The following DNAH2 variants were observed in gnomAD, a reference collection of about 807,000 sequenced individuals.
DNAH2 encodes the protein dynein axonemal heavy chain 2.
A neutral mutation model predicts 523.5 loss-of-function variants in DNAH2; 323 were observed. The observed-to-expected ratio is 0.62, with a 90% CI of 0.56 to 0.68. DNAH2 has a LOEUF of 0.68. Ranked by LOEUF, DNAH2 falls within the 30% of genes least tolerant of loss-of-function variation. The probability of loss-of-function intolerance (pLI) is 0.00; values close to 1 mark genes in which losing one functional copy is unlikely to be tolerated. For synonymous variants in DNAH2, 2,093 were observed against 2,177.4 expected (o/e 0.96, Z 1.08); for missense variants, 4,907 against 5,701.5 (o/e 0.86, Z 4.49).
At chr17:7,774,699 T>C in intron 28 of DNAH2, 60 bp from the exon 29 acceptor site, 1 of 1,491,602 alleles carries the variant, frequency 6.7e-7, no homozygotes, top group Non-Finnish European at 9.2e-7. Flanking sequence ...AGTTGGGGCA[T>C]CCAGATCCGC....
rs1183919767 is a variant in DNAH2, at chr17:7,787,900, C to G, written c.6644C>G (p.Ser2215Cys). 69 of 1,614,160 alleles carry G rather than the reference C, an allele frequency of 4.3e-5. No homozygotes were observed. The highest frequency in any genetic ancestry group is 5.8e-5 in the Non-Finnish European group (68 of 1,180,010). The change falls in exon 43 of 86, where the codon TCT becomes TGT. Residue 2215 changes from serine to cysteine, a missense_variant. This residue lies in a region of DNAH2 where 2,806 missense variants were observed against 3,190.8 expected (regional missense o/e 0.88). Coordinates refer to ENST00000572933, the MANE Select transcript of DNAH2 (RefSeq NM_020877.5). ...GAAGTGGAGGACCTGGCAATGGCCTCTCCGGCCACTGTATCCCGCTGCGGG... is the reference window on the plus strand; with the variant it reads ...GAAGTGGAGGACCTGGCAATGGCCTGTCCGGCCACTGTATCCCGCTGCGGG... Reference protein sequence around the residue: ...LFEVEDLAMASPATVSRCGMV... With the variant: ...LFEVEDLAMACPATVSRCGMV...
intron 39 of DNAH2, 125 bp from the exon 40 acceptor site, chr17:7,785,999 T>G: frequency 1.1e-6 from 1 of 944,602 alleles, no homozygotes; most frequent in Non-Finnish European, 1.6e-6. Context: ...AGAGCCGGAG[T>G]GCAGAGGGCC....
chr17:7,768,208 G>A lies in DNAH2; in HGVS notation c.3882G>A (p.Glu1294=), dbSNP rs763804007. 6.2e-7 allele frequency: 1 copy of A among 1,614,154 alleles called. No homozygotes were observed. Among genetic ancestry groups the A allele is most frequent in the Admixed American group, 1.7e-5 (1 of 60,020 alleles). Residue 1294 remains glutamate, a synonymous_variant, in exon 24 of 86, where the codon GAG becomes GAA. Coordinates refer to ENST00000572933, the MANE Select transcript of DNAH2 (RefSeq NM_020877.5). ...EIIETTRSKI[E]QFKRTMPLIS... The stretch of plus-strand genomic sequence containing the variant: ...TTGAAACCACTCGCTCAAAAATAGA[G>A]CAGTTCAAGAGGACCATGCCTCTCA...
At position 7,817,316 on chromosome 17, in the gene DNAH2, G is replaced by A. The variant is rs1384542523; in HGVS notation, c.9921G>A (p.Leu3307=). The A allele has an allele frequency of 6.2e-7, 1 of 1,606,340 alleles. No homozygotes were observed. The highest frequency in any genetic ancestry group is 2.2e-5 in the East Asian group (1 of 44,832). Residue 3307 remains leucine, a synonymous_variant, in exon 65 of 86, where the codon CTG becomes CTA. Coordinates refer to ENST00000572933, the MANE Select transcript of DNAH2 (RefSeq NM_020877.5). ...VQGLEEDLGY[L]VGDCLLAAAF... ...GCCTGGAGGAGGACCTGGGCTACCT[G>A]GTGGGGGACTGTCTCCTGGCAGCTG... is the stretch of plus-strand genomic sequence containing the variant.
chr17:7,814,549 C>G (rs887351311), intron 63 of DNAH2, among the ~76,000 whole-genome samples: 1 of 152,066 alleles, frequency 6.6e-6, no homozygotes, highest in South Asian at 2.1e-4. Flanking sequence ...AAGTAACAAC[C>G]AGCATAAATA....
intron 11 of DNAH2, among the ~76,000 whole-genome samples, chr17:7,741,300 T>TTCTTTCTTTCTTTCTTTCTTC (rs1567625056): frequency 4.5e-5 from 2 of 44,900 alleles, no homozygotes; most frequent in Non-Finnish European, 3.7e-5. Flanking sequence ...CTTTCTTCCT[T>TTCTTTCTTTCTTTCTTTCTTC]CCTTCCCTCC....
intron 12 of DNAH2, among the ~76,000 whole-genome samples, chr17:7,749,720 G>C (rs1287432184): frequency 6.6e-6 from 1 of 152,148 alleles, no homozygotes; most frequent in Non-Finnish European, 1.5e-5. Flanking sequence ...TATTAGGCCA[G>C]GTGTGGTGGC....
At chr17:7,759,296 C>A in intron 15 of DNAH2, 126 bp from the exon 16 acceptor site, 1 of 1,437,354 alleles carries the variant, frequency 7.0e-7, no homozygotes, top group Non-Finnish European at 9.3e-7. Flanking sequence ...CCTCTTCCTC[C>A]AGGACTCAGC....
chr17:7,809,392 C>T (rs1162107367), intron 63 of DNAH2, among the ~76,000 whole-genome samples: 1 of 152,122 alleles, frequency 6.6e-6, no homozygotes, highest in African/African-American at 2.4e-5. Flanking sequence ...CCCACGAGGC[C>T]TCTTCTGTGC....
At chr17:7,766,507 G>A (rs1157724243) in intron 22 of DNAH2, 26 bp downstream of exon 22, 1 of 1,609,786 alleles carries the variant, frequency 6.2e-7, no homozygotes, top group Non-Finnish European at 8.5e-7. Context: ...AGGACCCTGT[G>A]GTCACTGTCG....
chr17:7,807,355 G>A lies in DNAH2; in HGVS notation c.9612+36G>A. 5 of 1,604,568 alleles carry A rather than the reference G, an allele frequency of 3.1e-6. No homozygotes were observed. Among genetic ancestry groups the A allele is most frequent in the Non-Finnish European group, 4.3e-6 (5 of 1,175,788 alleles). ...CAGGGCTGGGGCGGGGCGGTAGGGA[G>A]GGCAGGCCTGGGGGAGTGCGGATGC... is the stretch of plus-strand genomic sequence containing the variant. On this transcript the variant is annotated intron_variant, in intron 62 of 85. Transcript: ENST00000572933. The surrounding 1 kb of genome is among the most constrained non-coding windows in gnomAD (Gnocchi z 5.6).
chr17:7,831,487 A>G lies in DNAH2; in HGVS notation c.12557A>G (p.Asn4186Ser), dbSNP rs1176166440. 8.1e-6 allele frequency: 13 copies of G among 1,614,054 alleles called. No individual in the cohort carries two copies. Among genetic ancestry groups the G allele is most frequent in the South Asian group, 1.1e-5 (1 of 91,086 alleles). The change falls in exon 81 of 86, where the codon AAT (asparagine) becomes AGT (serine). Residue 4186 changes from asparagine (N) to serine (S), a missense_variant. This residue lies in a region of DNAH2 where 1,851 missense variants were observed against 2,139.4 expected (regional missense o/e 0.87). Transcript: ENST00000572933. This position sits in a 1 kb window ranked among gnomAD's most constrained non-coding sequence, Gnocchi z 4.2. ...KLLALDPSPL[N>S]VVLLQEIQRY... ...CTAGCTCTCGACCCCTCCCCCCTCA[A>G]TGTGGTCCTTCTGCAGGAGATCCAG...
At chr17:7,767,779 G>A (rs1023932293) in intron 22 of DNAH2, 121 bp from the exon 23 acceptor site, 123 of 1,284,692 alleles carry the variant, frequency 9.6e-5, no homozygotes, top group Non-Finnish European at 1.2e-4. Context: ...GTGGACTGAG[G>A]AGGCCGCTGT....
chr17:7,807,169 G>A lies in DNAH2; in HGVS notation c.9462G>A (p.Lys3154=). Reference sequence around the variant, plus strand: ...CCACAGGGGAACAGAACTTCATCAAGTCACTGATCAACTTTGATAAAGACA... The same window carrying A: ...CCACAGGGGAACAGAACTTCATCAAATCACTGATCAACTTTGATAAAGACA... ...KRQLGEQNFI[K]SLINFDKDNI... The change falls in exon 62 of 86, where the codon AAG becomes AAA. Residue 3154 remains lysine, a synonymous_variant. Transcript: ENST00000572933. This position sits in a 1 kb window ranked among gnomAD's most constrained non-coding sequence, Gnocchi z 5.6. 1 of 1,608,436 alleles carries A rather than the reference G, an allele frequency of 6.2e-7. No individual in the cohort carries two copies. Among genetic ancestry groups the A allele is most frequent in the Non-Finnish European group, 8.5e-7 (1 of 1,180,004 alleles).
At chr17:7,804,823 G>A (rs2077322648) in intron 59 of DNAH2, 135 bp from the exon 60 acceptor site, 2 of 737,090 alleles carry the variant, frequency 2.7e-6, no homozygotes, top group Non-Finnish European at 4.5e-6. Context: ...TCCAGCCTGG[G>A]CGAAAGAGCT....
chr17:7,832,956 G>C lies in DNAH2; in HGVS notation c.12978+28G>C, dbSNP rs1387061951. On this transcript the variant is annotated intron_variant, in intron 84 of 85. Coordinates refer to ENST00000572933, the MANE Select transcript of DNAH2 (RefSeq NM_020877.5). This position sits in a 1 kb window ranked among gnomAD's most constrained non-coding sequence, Gnocchi z 4.3. ...GGGAGCCAGTTGTGCTTGGGGCTCT[G>C]AGCAAAAGAGGGTACTGGAAATAAT... 1.9e-6 allele frequency: 3 copies of C among 1,613,952 alleles called. 1 individual carries two copies. In the South Asian group the frequency reaches 3.3e-5, roughly 18 times the overall value.
Position 7,805,318 on chromosome 17 carries a change from G to T in DNAH2, c.9367G>T (p.Val3123Leu). 3.7e-6 allele frequency: 6 copies of T among 1,614,268 alleles called. No individual in the cohort carries two copies. The highest frequency in any genetic ancestry group is 5.1e-6 in the Non-Finnish European group (6 of 1,180,046). ...IKSYGRPPAQ[V>L]EIVMQAVMIL... Reference sequence around the variant, plus strand: ...GTCTTATGGACGGCCCCCAGCCCAAGTGGAGATAGTGATGCAGGCAGTTAT... The same window carrying T: ...GTCTTATGGACGGCCCCCAGCCCAATTGGAGATAGTGATGCAGGCAGTTAT... Residue 3123 changes from valine to leucine, a missense_variant, in exon 61 of 86, where the codon GTG (valine) becomes TTG (leucine). Physicochemically the swap from Val to Leu is conservative, Grantham distance 32. Coordinates refer to ENST00000572933, the MANE Select transcript of DNAH2 (RefSeq NM_020877.5).
At chr17:7,789,077 T>C (rs896822334) in intron 44 of DNAH2, among the ~76,000 whole-genome samples, 1 of 152,106 alleles carries the variant, frequency 6.6e-6, no homozygotes, top group Non-Finnish European at 1.5e-5. Flanking sequence ...GACAGGACAA[T>C]CGCTTGAACC....
rs1001706339 is a variant in DNAH2, at chr17:7,783,266, G to A, written c.6129+2099G>A. Among the ~76,000 whole-genome samples, 18 of 152,056 alleles carry A rather than the reference G, an allele frequency of 1.2e-4. No individual in the cohort carries two copies. The East Asian group carries it at 2.5e-3, about 21-fold the overall frequency. On this transcript the variant is annotated intron_variant, in intron 39 of 85. Transcript: ENST00000572933. The stretch of plus-strand genomic sequence containing the variant: ...CTAATTTTGTATTTTTGGTAGAGAC[G>A]GGGTTTCTCCATGTTGGTCAGGCTG...
Sources: allele counts gnomAD v4.1 joint callset (sites outside exome capture counted in the v4.1 genomes callset), GRCh38; gene constraint gnomAD v4.1.1; regional missense constraint gnomAD v4.1.1; non-coding constraint Gnocchi (gnomAD v3.1); transcripts MANE v1.5; gene names NCBI Gene and HGNC (gene_info 2026-07-23, HGNC 2026-07-21).